SEZ6: variants seen among roughly 807,000 people sequenced by gnomAD.
The protein encoded by SEZ6 is seizure protein 6 homolog.
In SEZ6, 53 loss-of-function variants were observed where a neutral mutation model predicts 101.0. The observed-to-expected ratio is 0.52, with a 90% CI of 0.42 to 0.66. The LOEUF is 0.66. SEZ6 is among the 30% of genes least tolerant of loss of function. The pLI, the probability that SEZ6 is intolerant of heterozygous loss-of-function variation, is 0.00. For synonymous variants in SEZ6, 488 were observed against 512.2 expected (o/e 0.95, Z 0.64); for missense variants, 1,102 against 1,289.4 (o/e 0.85, Z 2.23).
At chr17:29,004,333 G>C (rs1230161393) in intron 1 of SEZ6, among the ~76,000 whole-genome samples, 1 of 152,186 alleles carries the variant, frequency 6.6e-6, no homozygotes, top group South Asian at 2.1e-4. Context: ...ACATCCCCAG[G>C]CAGCTAGGCA....
intron 4 of SEZ6, 32 bp from the exon 5 acceptor site, chr17:28,964,179 G>A: frequency 6.5e-7 from 1 of 1,533,500 alleles, no homozygotes; most frequent in Non-Finnish European, 8.8e-7. Flanking sequence ...CACTGTGTAT[G>A]TGTGCAGGGT....
upstream of SEZ6, chr17:29,006,063 C>A (rs998867151): frequency 1.1e-5 from 4 of 380,344 alleles, no homozygotes; most frequent in East Asian, 4.7e-5. Context: ...CGCCGGGGAT[C>A]GCCGAGCGGG....
chr17:28,981,597 T>C lies in SEZ6; in HGVS notation c.498A>G (p.Leu166=), dbSNP rs1453294085. 4 of 1,603,576 alleles carry C rather than the reference T, an allele frequency of 2.5e-6. No homozygotes were observed. The highest frequency in any genetic ancestry group is 3.4e-6 in the Non-Finnish European group (4 of 1,172,632). Reference sequence around the variant, plus strand: ...TAGTGCTGGCTATCTCCCCTGGGCCTAGGGTGGGCACTGCCATGCTGGGCC... The same window carrying C: ...TAGTGCTGGCTATCTCCCCTGGGCCCAGGGTGGGCACTGCCATGCTGGGCC... ...PPGPSMAVPT[L]GPGEIASTTP... Residue 166 remains leucine, a synonymous_variant, in exon 2 of 17, where the codon CTA becomes CTG. Transcript: ENST00000317338.
intron 3 of SEZ6, among the ~76,000 whole-genome samples, chr17:28,977,809 C>A (rs1197043925): frequency 2.6e-5 from 4 of 152,336 alleles, no homozygotes; most frequent in African/African-American, 9.6e-5. Flanking sequence ...GTGCTTTCCA[C>A]CCAGTGAGCC....
intron 4 of SEZ6, among the ~76,000 whole-genome samples, chr17:28,967,787 T>A (rs1262628254): frequency 6.6e-6 from 1 of 152,094 alleles, no homozygotes; most frequent in East Asian, 1.9e-4. Flanking sequence ...TGTAGGAGGC[T>A]GGGGGCAGAC....
chr17:28,989,249 C>T (rs2041424905), intron 1 of SEZ6, among the ~76,000 whole-genome samples: 1 of 152,166 alleles, frequency 6.6e-6, no homozygotes, highest in Non-Finnish European at 1.5e-5. Context: ...CCATGAAGGG[C>T]TCTATGAATA....
intron 1 of SEZ6, among the ~76,000 whole-genome samples, chr17:28,991,900 G>A (rs1333781513): frequency 6.6e-6 from 1 of 152,226 alleles, no homozygotes; most frequent in Non-Finnish European, 1.5e-5. Flanking sequence ...AGCCAGTTTA[G>A]GAGGATTTTA....
intron 13 of SEZ6, 142 bp from the exon 14 acceptor site, chr17:28,956,899 G>A: frequency 7.4e-7 from 1 of 1,350,562 alleles, no homozygotes; most frequent in Non-Finnish European, 1.0e-6. Context: ...GGTGATGCCA[G>A]GTCAGAAGGA....
chr17:28,979,383 C>T (rs1255483096), intron 3 of SEZ6, among the ~76,000 whole-genome samples: 1 of 152,172 alleles, frequency 6.6e-6, no homozygotes, highest in Non-Finnish European at 1.5e-5. Context: ...TCAGGCCCAG[C>T]GAGGCAGCCC....
At chr17:28,979,991 C>G (rs1017571000) in intron 2 of SEZ6, among the ~76,000 whole-genome samples, 178 bp from the exon 3 acceptor site, 29 of 151,236 alleles carry the variant, frequency 1.9e-4, no homozygotes, top group Non-Finnish European at 4.1e-4. Context: ...TTATTAGGCA[C>G]CTACCATGTG....
chr17:28,957,442 G>A lies in SEZ6; in HGVS notation c.2400C>T (p.Asp800=), dbSNP rs1301367643. The A allele has an allele frequency of 6.2e-7, 1 of 1,613,688 alleles. No individual in the cohort carries two copies. Among genetic ancestry groups the A allele is most frequent in the Non-Finnish European group, 8.5e-7 (1 of 1,179,726 alleles). The change falls in exon 12 of 17, where the codon GAC becomes GAT. Residue 800 remains aspartate (D), a synonymous_variant. Coordinates refer to ENST00000317338, the MANE Select transcript of SEZ6 (RefSeq NM_178860.5). ...AGCTGCCCATCAGCACAAAACCCTG[G>A]TCACAGATATATTGCACGGTGGCCC... ...PVGATVQYIC[D]QGFVLMGSSI... is the part of the protein sequence containing the mutation.
rs188222454 is a variant in SEZ6, at chr17:28,999,027, G to A, written c.55+6788C>T. Reference sequence around the variant, plus strand: ...CTCCTCTAAACTGAGTTCCTTAAGGGGAGGGACTATGTTATATTCCTCCCA... The same window carrying A: ...CTCCTCTAAACTGAGTTCCTTAAGGAGAGGGACTATGTTATATTCCTCCCA... On this transcript the variant is annotated intron_variant, in intron 1 of 16. Transcript: ENST00000317338. 4.0e-4 allele frequency among the ~76,000 whole-genome samples: 61 copies of A among 152,230 alleles called. 1 individual carries two copies. Among genetic ancestry groups the A allele is most frequent in the Middle Eastern group, 3.4e-3 (1 of 292 alleles).
At chr17:28,989,285 G>A (rs904268662) in intron 1 of SEZ6, among the ~76,000 whole-genome samples, 4 of 152,184 alleles carry the variant, frequency 2.6e-5, no homozygotes, top group African/African-American at 9.7e-5. Context: ...GCTGTTTACT[G>A]AGTATACATT....
intron 3 of SEZ6, among the ~76,000 whole-genome samples, chr17:28,973,514 G>C (rs2041181865): frequency 6.6e-6 from 1 of 152,188 alleles, no homozygotes; most frequent in South Asian, 2.1e-4. Flanking sequence ...AAGCTGGCCT[G>C]GCTCCCGGCC....
chr17:29,000,177 T>G (rs1012192467), intron 1 of SEZ6, among the ~76,000 whole-genome samples: 1 of 152,238 alleles, frequency 6.6e-6, no homozygotes, highest in Admixed American at 6.5e-5. Context: ...GTTGCTATTA[T>G]TTGGATAGTG....
chr17:28,999,615 G>A (rs1179005783), intron 1 of SEZ6, among the ~76,000 whole-genome samples: 1 of 152,206 alleles, frequency 6.6e-6, no homozygotes, highest in Non-Finnish European at 1.5e-5. Flanking sequence ...TGTGGCTGCA[G>A]CATCCATCCT....
Position 28,964,118 on chromosome 17 carries a change from G to A in SEZ6, c.1084C>T (p.Arg362Cys), listed in dbSNP as rs1343934780. Reference protein sequence around the residue: ...AYLLSCHFPRRPAYGDVTVTS... With the variant: ...AYLLSCHFPRCPAYGDVTVTS... Reference sequence around the variant, plus strand: ...ACAGTCACATCTCCATAAGCTGGACGACGGGGAAAGTGGCAGCTCAGGAGA... The same window carrying A: ...ACAGTCACATCTCCATAAGCTGGACAACGGGGAAAGTGGCAGCTCAGGAGA... Residue 362 changes from arginine (R) to cysteine (C), a missense_variant, in exon 5 of 17, where the codon CGT becomes TGT. By Grantham distance (180) the Arg-to-Cys change is radical. Coordinates refer to ENST00000317338, the MANE Select transcript of SEZ6 (RefSeq NM_178860.5). 6.9e-6 allele frequency: 11 copies of A among 1,598,496 alleles called. No individual in the cohort carries two copies. The highest frequency in any genetic ancestry group is 1.6e-4 in the Middle Eastern group (1 of 6,072).
intron 14 of SEZ6, 47 bp downstream of exon 14, chr17:28,956,672 C>G (rs558986413): frequency 1.3e-6 from 2 of 1,553,028 alleles, no homozygotes; most frequent in Non-Finnish European, 1.7e-6. Context: ...GCCGTGAGAA[C>G]CAGGACCAGG....
rs1184807508 is a variant in SEZ6 at position 28,981,556 on chromosome 17, G to A, written c.539C>T (p.Ala180Val). 7 of 1,612,476 alleles carry A rather than the reference G, an allele frequency of 4.3e-6. No homozygotes were observed. Among genetic ancestry groups the A allele is most frequent in the Non-Finnish European group, 5.9e-6 (7 of 1,179,306 alleles). The part of the protein sequence containing the change: ...EIASTTPPSR[A>V]WTPTQEGPGD... ...AGGACCCTCTTGGGTTGGTGTCCAG[G>A]CTCTGCTGGGGGGTGTAGTGCTGGC... The change falls in exon 2 of 17, where the codon GCC becomes GTC. Residue 180 changes from alanine to valine, a missense_variant. By Grantham distance (64) the Ala-to-Val change is moderately conservative. This residue lies in a region of SEZ6 where 406 missense variants were observed against 418.6 expected (regional missense o/e 0.97). Coordinates refer to ENST00000317338, the MANE Select transcript of SEZ6 (RefSeq NM_178860.5).
Sources: gnomAD v4.1 joint callset for allele counts (sites outside exome capture counted in the v4.1 genomes callset) on GRCh38, gnomAD v4.1.1 for gene constraint, gnomAD v4.1.1 regional missense constraint, MANE v1.5 for transcripts, NCBI Gene and HGNC (gene_info 2026-07-23, HGNC 2026-07-21) for gene names.